The following CPNE2 variants were observed in gnomAD, a reference collection of about 807,000 sequenced individuals.
CPNE2 encodes copine 2.
CPNE2 carries 42 observed loss-of-function variants against 69.7 expected under a neutral mutation model. The observed-to-expected ratio is 0.60, with a 90% CI of 0.47 to 0.78. The LOEUF (loss-of-function observed/expected upper bound fraction) is 0.78. Ranked by LOEUF, CPNE2 falls within the 30% of genes least tolerant of loss-of-function variation. The probability of loss-of-function intolerance (pLI) is 0.00; values close to 1 mark genes in which losing one functional copy is unlikely to be tolerated. For missense variants in CPNE2, 587 were observed against 732.0 expected, an observed-to-expected ratio of 0.80 and a Z score of 2.29; for synonymous variants, 294 against 289.8, an observed-to-expected ratio of 1.01 and a Z score of -0.15.
Position 57,110,736 on chromosome 16 carries a change from G to A in CPNE2, c.-7G>A, listed in dbSNP as rs541500373. On this transcript the variant is annotated 5_prime_UTR_variant, in exon 2 of 16. Transcript: ENST00000290776. ...GCCAGGAACTCCTGCCACCGCCACC[G>A]GCTCCCATGGCCCACATACCCAGTG... 15 of 1,595,134 alleles carry A rather than the reference G, an allele frequency of 9.4e-6. No individual in the cohort carries two copies. In the African/African-American group the frequency reaches 1.1e-4, roughly 12 times the overall value.
chr16:57,146,127 G>A lies in CPNE2; in HGVS notation c.1345G>A (p.Asp449Asn). The change falls in exon 15 of 16, where the codon GAC becomes AAC. Residue 449 changes from aspartate to asparagine, a missense_variant. Asp to Asn is a conservative substitution (Grantham distance 23, BLOSUM62 1). Transcript: ENST00000290776. The surrounding 1 kb of genome is among the most constrained non-coding windows in gnomAD (Gnocchi z 4.4). ...LLIITDGVIS[D>N]MEETRHAVVQ... Reference sequence around the variant, plus strand: ...CATCATCACGGACGGGGTCATCAGTGACATGGAGGAGACACGGCATGCCGT... The same window carrying A: ...CATCATCACGGACGGGGTCATCAGTAACATGGAGGAGACACGGCATGCCGT... 1 of 1,600,084 alleles carries A rather than the reference G, an allele frequency of 6.2e-7. No homozygotes were observed. Among genetic ancestry groups the A allele is most frequent in the Non-Finnish European group, 8.5e-7 (1 of 1,172,850 alleles).
rs986893015 is a variant in CPNE2, at chr16:57,094,630, G to A, written c.-36+1840G>A. ...TTAGATTGCAAGGACTCGGGTGCCA[G>A]CACTTATTGGTACGTGGTGAGTGCC... On this transcript the variant is annotated intron_variant, in intron 1 of 15. Transcript: ENST00000290776. Among the ~76,000 whole-genome samples the A allele has an allele frequency of 4.6e-5, 7 of 152,318 alleles. No homozygotes were observed. The South Asian group carries it at 8.3e-4, about 18-fold the overall frequency.
At chr16:57,132,869 G>A (rs148941743) in intron 12 of CPNE2, among the ~76,000 whole-genome samples, 52 of 152,194 alleles carry the variant, frequency 3.4e-4, no homozygotes, top group African/African-American at 1.2e-3. Context: ...GGCCTCTGGG[G>A]CAGATGGACA....
chr16:57,125,062 A>G, intron 10 of CPNE2: 1 of 328,012 alleles, frequency 3.0e-6, no homozygotes, highest in East Asian at 7.6e-5. Context: ...ACCCCACAGC[A>G]ACTGAGTTCC....
rs575164328 is a variant in CPNE2, at chr16:57,136,057, A to C, written c.1169-1092A>C. Among the ~76,000 whole-genome samples the C allele has an allele frequency of 1.8e-3, 270 of 151,676 alleles. 2 individuals are homozygous for C. Among genetic ancestry groups the C allele is most frequent in the African/African-American group, 6.1e-3 (254 of 41,328 alleles). On this transcript the variant is annotated intron_variant, in intron 13 of 15. Coordinates refer to ENST00000290776, the MANE Select transcript of CPNE2 (RefSeq NM_152727.6). ...GAGGGAGGAAGAAAGGAAGAAAGAA[A>C]GAAAAAGGAAGATGAAAGAAGGAAG...
chr16:57,125,203 A>T, intron 10 of CPNE2: 2 of 438,288 alleles, frequency 4.6e-6, no homozygotes, highest in South Asian at 3.2e-5. Context: ...GAGAGCAGGT[A>T]GAGCCCTAGT....
chr16:57,119,471 A>C, intron 6 of CPNE2, 90 bp from the exon 7 acceptor site: 1 of 1,230,894 alleles, frequency 8.1e-7, no homozygotes, highest in Non-Finnish European at 1.2e-6. Context: ...GTGGGTCTGC[A>C]TTTTGTCACC....
chr16:57,135,108 C>T (rs986776816), intron 13 of CPNE2, among the ~76,000 whole-genome samples: 38 of 152,284 alleles, frequency 2.5e-4, no homozygotes, highest in African/African-American at 8.4e-4. Flanking sequence ...GACAGCTGCT[C>T]TTCTCACTTT....
At chr16:57,115,625 C>G in intron 4 of CPNE2, 75 bp downstream of exon 4, 1 of 1,046,210 alleles carries the variant, frequency 9.6e-7, no homozygotes, top group East Asian at 2.7e-5. Context: ...GGGCCGCTTC[C>G]CTGGCAGATA....
At chr16:57,096,791 G>T (rs2069580772) in intron 1 of CPNE2, among the ~76,000 whole-genome samples, 1 of 151,900 alleles carries the variant, frequency 6.6e-6, no homozygotes, top group African/African-American at 2.4e-5. Flanking sequence ...TCCCTCCTGT[G>T]TTTTAGAGAG....
At chr16:57,129,663 A>C (rs769344198) in intron 12 of CPNE2, among the ~76,000 whole-genome samples, 2 of 152,224 alleles carry the variant, frequency 1.3e-5, no homozygotes, top group Admixed American at 6.5e-5. Context: ...TACTAAAAAT[A>C]CAAAAATTAG....
At chr16:57,113,113 CTCTGTGCT>C in intron 2 of CPNE2, 167 bp from the exon 3 acceptor site, 1 of 621,720 alleles carries the variant, frequency 1.6e-6, no homozygotes, top group Non-Finnish European at 2.8e-6. Context: ...CACTTAACCT[CTCTGTGCT>C]TCAGTGTCCT....
At chr16:57,135,958 G>T (rs558314694) in intron 13 of CPNE2, among the ~76,000 whole-genome samples, 1 of 146,688 alleles carries the variant, frequency 6.8e-6, no homozygotes, top group East Asian at 2.0e-4. Flanking sequence ...GAAGGGAAGG[G>T]GAAGGGGAAG....
Position 57,147,664 on chromosome 16 carries a change from A to T in CPNE2, c.*6A>T. 8 of 1,589,242 alleles carry T rather than the reference A, an allele frequency of 5.0e-6. No homozygotes were observed. Among genetic ancestry groups the T allele is most frequent in the Non-Finnish European group, 6.9e-6 (8 of 1,162,498 alleles). ...CCAACTCGGAGCCCGCCTGAGCTCC[A>T]GTGCCCAGCAGCAGCATGTCAGCTG... On this transcript the variant is annotated 3_prime_UTR_variant, in exon 16 of 16. Transcript: ENST00000290776.
In CPNE2 at chr16:57,139,066, G is replaced by A. The variant is rs538991691; in HGVS notation, c.1302+1784G>A. Among the ~76,000 whole-genome samples, 74 of 152,336 alleles carry A rather than the reference G, an allele frequency of 4.9e-4. No homozygotes were observed. The South Asian group carries it at 0.015, about 31-fold the overall frequency. Reference sequence around the variant, plus strand: ...GAGAAAGAGTAATTCACAGAGAGCCGGTTGTGCAGGAAACCGGACTTTTAT... The same window carrying A: ...GAGAAAGAGTAATTCACAGAGAGCCAGTTGTGCAGGAAACCGGACTTTTAT... On this transcript the variant is annotated intron_variant, in intron 14 of 15. Coordinates refer to ENST00000290776, the MANE Select transcript of CPNE2 (RefSeq NM_152727.6).
chr16:57,115,569 C>G lies in CPNE2; in HGVS notation c.435+19C>G. The G allele has an allele frequency of 3.2e-6, 5 of 1,585,984 alleles. No individual in the cohort carries two copies. The highest frequency in any genetic ancestry group is 4.3e-6 in the Non-Finnish European group (5 of 1,158,716). The stretch of plus-strand genomic sequence containing the variant: ...GATTACGGTACCAGTCCCCTCCCGG[C>G]TCTCCGCACCCCCTCCATCCCCACC... On this transcript the variant is annotated intron_variant, in intron 4 of 15. Coordinates refer to ENST00000290776, the MANE Select transcript of CPNE2 (RefSeq NM_152727.6).
chr16:57,113,067 G>C (rs184145223), intron 2 of CPNE2: 6 of 480,262 alleles, frequency 1.2e-5, no homozygotes, highest in Non-Finnish European at 2.2e-5. Flanking sequence ...TTCAAATCTC[G>C]GCCCTGCTCC....
chr16:57,145,197 A>G (rs930255711), intron 14 of CPNE2, among the ~76,000 whole-genome samples: 1 of 152,216 alleles, frequency 6.6e-6, no homozygotes, highest in Non-Finnish European at 1.5e-5. Flanking sequence ...CAAGCTGTAC[A>G]ATGGTATTAA....
At chr16:57,136,229 A>G (rs1297753675) in intron 13 of CPNE2, among the ~76,000 whole-genome samples, 2 of 152,190 alleles carry the variant, frequency 1.3e-5, no homozygotes, top group Non-Finnish European at 2.9e-5. Flanking sequence ...GGGGATCCCC[A>G]AAGCTGGGCC....
Sources: gnomAD v4.1 joint callset for allele counts (sites outside exome capture counted in the v4.1 genomes callset) on GRCh38, gnomAD v4.1.1 for gene constraint, Gnocchi (gnomAD v3.1) non-coding constraint, MANE v1.5 for transcripts, NCBI Gene and HGNC (gene_info 2026-07-23, HGNC 2026-07-21) for gene names.